Variants in CSMD1 observed in about 807,000 individuals in gnomAD.
CSMD1 encodes CUB and sushi domain-containing protein 1.
CSMD1 carries 213 observed loss-of-function variants against 417.5 expected under a neutral mutation model. The ratio of observed to expected loss-of-function variants is 0.51; its 90% CI spans 0.46 to 0.57. CSMD1 has a LOEUF of 0.57. Among genes scored for constraint, CSMD1 ranks in the 20% least tolerant of loss-of-function variants. The pLI is 0.00. For synonymous variants in CSMD1, 2,862 were observed against 1,736.8 expected, an observed-to-expected ratio of 1.65 and a Z score of -16.11; for missense variants, 6,923 against 4,529.7, an observed-to-expected ratio of 1.53 and a Z score of -15.17.
chr8:3,577,248 T>G (rs1165940804), intron 9 of CSMD1, among the ~76,000 whole-genome samples: 1 of 151,494 alleles, frequency 6.6e-6, no homozygotes, highest in African/African-American at 2.4e-5. Context: ...TGCATCATAT[T>G]TTATTTGTGA....
intron 3 of CSMD1, among the ~76,000 whole-genome samples, chr8:4,398,866 T>A (rs1363635800): frequency 1.3e-5 from 2 of 152,196 alleles, no homozygotes; most frequent in African/African-American, 2.4e-5. Flanking sequence ...TTTTAAACCA[T>A]AAAATAACTG....
intron 4 of CSMD1, among the ~76,000 whole-genome samples, chr8:4,010,774 G>T: frequency 6.6e-6 from 1 of 152,026 alleles, no homozygotes; most frequent in East Asian, 1.9e-4. Context: ...GCACTTCCTT[G>T]CATTTACCAT....
chr8:4,478,094 C>G (rs936993692), intron 2 of CSMD1, among the ~76,000 whole-genome samples: 1 of 152,114 alleles, frequency 6.6e-6, no homozygotes, highest in African/African-American at 2.4e-5. Context: ...TTTATGGGGC[C>G]ATAAGACCTA....
chr8:4,820,208 G>C (rs1051407852), intron 1 of CSMD1, among the ~76,000 whole-genome samples: 3 of 152,130 alleles, frequency 2.0e-5, no homozygotes, highest in Middle Eastern at 3.2e-3. Context: ...GGCCTGGACA[G>C]AGAATGATAT....
intron 1 of CSMD1, among the ~76,000 whole-genome samples, chr8:4,756,582 G>C (rs915431171): frequency 1.1e-4 from 17 of 152,178 alleles, no homozygotes; most frequent in African/African-American, 4.1e-4. Flanking sequence ...ATGCGTTCTA[G>C]ACTTGTTTTT....
intron 47 of CSMD1, among the ~76,000 whole-genome samples, chr8:3,094,257 C>G (rs1050194679): frequency 6.6e-6 from 1 of 152,054 alleles, no homozygotes; most frequent in Non-Finnish European, 1.5e-5. Flanking sequence ...AGGCGCCTGC[C>G]ACCGCGCCCA....
At chr8:4,276,415 G>A (rs1353134947) in intron 3 of CSMD1, among the ~76,000 whole-genome samples, 3 of 152,106 alleles carry the variant, frequency 2.0e-5, no homozygotes, top group African/African-American at 7.2e-5. Context: ...ATAAGTGGGA[G>A]TTGAACAATG....
intron 3 of CSMD1, among the ~76,000 whole-genome samples, chr8:4,169,495 G>A (rs1167429785): frequency 2.0e-5 from 3 of 152,042 alleles, no homozygotes; most frequent in Admixed American, 6.6e-5. Flanking sequence ...CACCTCTACT[G>A]CGGCCTTGTC....
intron 23 of CSMD1, among the ~76,000 whole-genome samples, chr8:3,312,758 G>T (rs563892456): frequency 1.3e-5 from 2 of 152,170 alleles, no homozygotes; most frequent in African/African-American, 4.8e-5. Context: ...CCGTTAAACT[G>T]TGCCCTTAGA....
intron 26 of CSMD1, among the ~76,000 whole-genome samples, chr8:3,243,706 C>T (rs1799695068): frequency 6.6e-6 from 1 of 151,424 alleles, no homozygotes; most frequent in African/African-American, 2.4e-5. Flanking sequence ...GCTCACAGGC[C>T]TGACAATAAA....
chr8:4,066,600 A>G (rs1799262883), intron 3 of CSMD1, among the ~76,000 whole-genome samples: 1 of 152,212 alleles, frequency 6.6e-6, no homozygotes, highest in Non-Finnish European at 1.5e-5. Context: ...GATTATACCC[A>G]GAAGGGAAAT....
At chr8:4,286,011 T>C (rs1797038000) in intron 3 of CSMD1, among the ~76,000 whole-genome samples, 1 of 152,170 alleles carries the variant, frequency 6.6e-6, no homozygotes, top group South Asian at 2.1e-4. Flanking sequence ...AGCAGGTTTG[T>C]AAAAAGCTCT....
intron 12 of CSMD1, among the ~76,000 whole-genome samples, chr8:3,456,340 C>T (rs115457691): frequency 0.019 from 2,913 of 152,242 alleles, 79 homozygotes; most frequent in African/African-American, 0.063. Context: ...GTGACATGAA[C>T]GAGGTACCTC....
intron 1 of CSMD1, among the ~76,000 whole-genome samples, chr8:4,657,271 G>A (rs1446040657): frequency 1.3e-5 from 2 of 152,210 alleles, no homozygotes; most frequent in East Asian, 1.9e-4. Context: ...AACTAAGGCA[G>A]AGTTGTAAAA....
At chr8:3,502,284 G>A (rs559929839) in intron 10 of CSMD1, among the ~76,000 whole-genome samples, 36 of 145,918 alleles carry the variant, frequency 2.5e-4, no homozygotes, top group African/African-American at 7.3e-4. Context: ...AGACTGACGC[G>A]AACCCAGGAG....
chr8:3,801,438 C>G (rs1416482184), intron 5 of CSMD1, among the ~76,000 whole-genome samples: 1 of 152,066 alleles, frequency 6.6e-6, no homozygotes, highest in Non-Finnish European at 1.5e-5. Flanking sequence ...CCATTTCATA[C>G]CCACTAGAAG....
At chr8:4,858,341 T>C (rs1801927964) in intron 1 of CSMD1, among the ~76,000 whole-genome samples, 1 of 151,746 alleles carries the variant, frequency 6.6e-6, no homozygotes, top group African/African-American at 2.4e-5. Context: ...AGCATTCCCT[T>C]TGAAAACGGG....
intron 3 of CSMD1, among the ~76,000 whole-genome samples, chr8:4,060,307 G>T (rs1444496866): frequency 1.3e-5 from 2 of 152,116 alleles, no homozygotes; most frequent in African/African-American, 4.8e-5. Context: ...AATAATAAGA[G>T]TTATCTATGA....
intron 3 of CSMD1, among the ~76,000 whole-genome samples, chr8:4,127,634 A>G (rs1017664765): frequency 5.9e-5 from 9 of 152,070 alleles, no homozygotes; most frequent in Middle Eastern, 3.2e-3. Flanking sequence ...CTGTATGCAT[A>G]TTAGAACCAC....
Sources: gnomAD v4.1 joint callset for allele counts (sites outside exome capture counted in the v4.1 genomes callset) on GRCh38, gnomAD v4.1.1 for gene constraint, MANE v1.5 for transcripts, NCBI Gene and HGNC (gene_info 2026-07-23, HGNC 2026-07-21) for gene names.